Variants in CYLC1 observed in about 807,000 individuals in gnomAD.
CYLC1 encodes the protein cylicin-1.
A neutral mutation model predicts 31.6 loss-of-function variants in CYLC1; 2 were observed. The ratio of observed to expected loss-of-function variants is 0.06; its 90% CI spans 0.03 to 0.20. The LOEUF (loss-of-function observed/expected upper bound fraction) is 0.20. Ranked by LOEUF, CYLC1 falls within the 10% of genes least tolerant of loss-of-function variation. The probability of loss-of-function intolerance (pLI) is 1.00; values close to 1 mark genes in which losing one functional copy is unlikely to be tolerated. For synonymous variants in CYLC1, 185 were observed against 153.0 expected, an observed-to-expected ratio of 1.21 and a Z score of -1.54; for missense variants, 595 against 424.1, an observed-to-expected ratio of 1.40 and a Z score of -3.54.
At chrX:83,877,882 A>ATG (rs1297585833) in intron 4 of CYLC1, among the ~76,000 whole-genome samples, 1 of 64,323 alleles carries the variant, frequency 1.6e-5, no homozygotes, top group Non-Finnish European at 2.8e-5. Context: ...TTTTTCATAT[A>ATG]TATATATATA....
rs770217678 is a variant in CYLC1, at chrX:83,874,735, A to G, written c.1923+104A>G. 93 of 888,321 alleles carry G rather than the reference A, an allele frequency of 1.0e-4. 2 individuals are homozygous for G. In the South Asian group the frequency reaches 2.9e-3, roughly 27 times the overall value. 73.2% of individuals were successfully genotyped at this position (888,321 alleles called of 1,213,427 possible). On this transcript the variant is annotated intron_variant, in intron 4 of 4. Coordinates refer to ENST00000329312, the MANE Select transcript of CYLC1 (RefSeq NM_021118.3). Reference sequence around the variant, plus strand: ...CTCCAAATAATAGTTATCTTTTACTAGAATATTGACAACTTTGTGACTCGA... The same window carrying G: ...CTCCAAATAATAGTTATCTTTTACTGGAATATTGACAACTTTGTGACTCGA...
chrX:83,874,651 A>C lies in CYLC1; in HGVS notation c.1923+20A>C. 8.7e-7 allele frequency: 1 copy of C among 1,151,347 alleles called. No individual in the cohort carries two copies. Among genetic ancestry groups the C allele is most frequent in the Non-Finnish European group, 1.2e-6 (1 of 867,291 alleles). The allele number at this position is 1,151,347 out of a possible 1,213,427, so 94.9% of individuals were successfully genotyped here. On this transcript the variant is annotated intron_variant, in intron 4 of 4. Transcript: ENST00000329312. ...CCTTTGGTAAGTTTACTACTGTTTT[A>C]TATTTAGGCTGAAATGGATATAAAA...
chrX:83,864,424 T>TA (rs1011904853), intron 1 of CYLC1, among the ~76,000 whole-genome samples: 7 of 110,873 alleles, frequency 6.3e-5, no homozygotes, highest in African/African-American at 2.0e-4. Context: ...CTTTTCCACT[T>TA]AAAAAATCCC....
At chrX:83,880,484 T>G in intron 4 of CYLC1, among the ~76,000 whole-genome samples, 1 of 111,632 alleles carries the variant, frequency 9.0e-6, no homozygotes. Flanking sequence ...CCATGCAAGT[T>G]GTATAATCTA....
chrX:83,864,748 G>C (rs1300610719), intron 1 of CYLC1: 2 of 303,628 alleles, frequency 6.6e-6, no homozygotes. Flanking sequence ...CCATGGAATG[G>C]CTTTCACATT....
chrX:83,863,244 T>A (rs2031541401), intron 1 of CYLC1, among the ~76,000 whole-genome samples: 1 of 111,453 alleles, frequency 9.0e-6, no homozygotes, highest in Non-Finnish European at 1.9e-5. Flanking sequence ...ACTGCACATA[T>A]CCCTCCAAAA....
At chrX:83,885,418 T>C (rs909144709) in intron 4 of CYLC1, among the ~76,000 whole-genome samples, 7 of 110,035 alleles carry the variant, frequency 6.4e-5, no homozygotes, top group African/African-American at 2.0e-4. Context: ...TGACGATGAT[T>C]AGTAATCAGA....
intron 4 of CYLC1, among the ~76,000 whole-genome samples, chrX:83,882,776 G>A (rs758322135): frequency 3.6e-5 from 4 of 110,816 alleles, no homozygotes; most frequent in Non-Finnish European, 7.6e-5. Flanking sequence ...ATTTCAAACT[G>A]TATATCCCTA....
intron 1 of CYLC1, among the ~76,000 whole-genome samples, chrX:83,869,145 A>G (rs757581535): frequency 4.9e-4 from 54 of 110,569 alleles, no homozygotes; most frequent in South Asian, 1.8e-3. Flanking sequence ...ATTTGATTTC[A>G]TAAATGGTAT....
intron 1 of CYLC1, among the ~76,000 whole-genome samples, chrX:83,867,698 C>A (rs952039990): frequency 9.0e-6 from 1 of 110,991 alleles, no homozygotes; most frequent in Admixed American, 9.7e-5. Context: ...GCCTTCTCCT[C>A]CTCTGATCCT....
At chrX:83,878,071 TATATAAAA>T (rs2031813629) in intron 4 of CYLC1, among the ~76,000 whole-genome samples, 1 of 60,757 alleles carries the variant, frequency 1.6e-5, no homozygotes, top group Non-Finnish European at 2.7e-5. Context: ...TATAAATATA[TATATAAAA>T]ATATATATAT....
At chrX:83,878,146 A>G (rs1354620291) in intron 4 of CYLC1, among the ~76,000 whole-genome samples, 1 of 48,411 alleles carries the variant, frequency 2.1e-5, no homozygotes, top group Non-Finnish European at 3.3e-5. Context: ...AAAAATATAT[A>G]TTTGTATATA....
At position 83,874,542 on chromosome X, in the gene CYLC1, T is replaced by A. The variant is rs374765917; in HGVS notation, c.1834T>A (p.Cys612Ser). The A allele has an allele frequency of 5.0e-5, 61 of 1,208,289 alleles. No individual in the cohort carries two copies. In the East Asian group the frequency reaches 1.8e-3, roughly 35 times the overall value. Residue 612 changes from cysteine to serine, a missense_variant, in exon 4 of 5, where the codon TGT becomes AGT. Physicochemically the swap from Cys to Ser is moderately radical, Grantham distance 112. Coordinates refer to ENST00000329312, the MANE Select transcript of CYLC1 (RefSeq NM_021118.3). ...PSREKPPLPA[C>S]EPSLPSPKVR... is the part of the protein sequence containing the mutation. ...AAGAGAAAAACCACCACTCCCTGCT[T>A]GTGAGCCTTCTCTACCATCACCAAA...
At chrX:83,872,173 G>A (rs982840068) in intron 3 of CYLC1, among the ~76,000 whole-genome samples, 1 of 110,555 alleles carries the variant, frequency 9.0e-6, no homozygotes, top group African/African-American at 3.3e-5. Context: ...TTGCTTGTTG[G>A]CACCTCTACT....
At chrX:83,880,680 T>C (rs2147786666) in intron 4 of CYLC1, among the ~76,000 whole-genome samples, 1 of 111,578 alleles carries the variant, frequency 9.0e-6, no homozygotes, top group African/African-American at 3.2e-5. Context: ...AGACCTTCCC[T>C]ATAGGAAAAT....
At chrX:83,869,765 T>A in intron 1 of CYLC1, 100 bp from the exon 2 acceptor site, 1 of 394,829 alleles carries the variant, frequency 2.5e-6, no homozygotes. Context: ...CATTGGGCTT[T>A]GTTTTTTTAG....
At chrX:83,875,903 C>T (rs1238407465) in intron 4 of CYLC1, among the ~76,000 whole-genome samples, 2 of 110,358 alleles carry the variant, frequency 1.8e-5, no homozygotes, top group Admixed American at 9.8e-5. Context: ...GTTAAACTCA[C>T]GGCTTCTGTA....
intron 4 of CYLC1, among the ~76,000 whole-genome samples, chrX:83,877,933 A>AAT (rs1237764252): frequency 4.6e-5 from 3 of 65,573 alleles, no homozygotes; most frequent in African/African-American, 1.5e-4. Context: ...TATAAATATA[A>AAT]ATATATATAT....
Position 83,873,559 on chromosome X carries a change from C to T in CYLC1, c.851C>T (p.Thr284Ile), listed in dbSNP as rs2031707300. 1 of 1,191,908 alleles carries T rather than the reference C, an allele frequency of 8.4e-7. No homozygotes were observed. Among genetic ancestry groups the T allele is most frequent in the African/African-American group, 1.8e-5 (1 of 56,542 alleles). The change falls in exon 4 of 5, where the codon ACA becomes ATA. Residue 284 changes from threonine to isoleucine, a missense_variant. Transcript: ENST00000329312. ...TATTCTTTGAAGTATACAAAGTATA[C>T]AAAGAAGGACACAAAAAAGAATGCA... The part of the protein sequence containing the change: ...KNYSLKYTKY[T>I]KKDTKKNAKK...
Sources: allele counts gnomAD v4.1 joint callset (sites outside exome capture counted in the v4.1 genomes callset), GRCh38; gene constraint gnomAD v4.1.1; transcripts MANE v1.5; gene names NCBI Gene and HGNC (gene_info 2026-07-23, HGNC 2026-07-21).